The following SDK1 variants were observed in gnomAD, a reference collection of about 807,000 sequenced individuals.
SDK1 encodes protein sidekick-1.
SDK1 carries 157 observed loss-of-function variants against 245.5 expected under a neutral mutation model. The observed-to-expected ratio is 0.64, with a 90% CI of 0.56 to 0.73. The LOEUF is 0.73. SDK1 is among the 30% of genes least tolerant of loss of function. SDK1 has a pLI of 0.00. For missense variants in SDK1, 3,583 were observed against 3,002.3 expected (o/e 1.19, Z -4.52); for synonymous variants, 1,647 against 1,278.5 (o/e 1.29, Z -6.15).
At chr7:3,821,296 G>A (rs1051270043) in intron 4 of SDK1, among the ~76,000 whole-genome samples, 154 bp from the exon 5 acceptor site, 1 of 152,184 alleles carries the variant, frequency 6.6e-6, no homozygotes, top group Admixed American at 6.5e-5. Flanking sequence ...TGGCGTTGTC[G>A]TATTCTTAAA....
At chr7:4,254,978 A>G (rs1263098130) in intron 44 of SDK1, among the ~76,000 whole-genome samples, 1 of 152,200 alleles carries the variant, frequency 6.6e-6, no homozygotes, top group Non-Finnish European at 1.5e-5. Flanking sequence ...AACCTCCACT[A>G]CGTGCTAGCT....
Position 4,199,234 on chromosome 7 carries a change from C to A in SDK1, c.5099-6645C>A, listed in dbSNP as rs77295627. On this transcript the variant is annotated intron_variant, in intron 35 of 44. Transcript: ENST00000404826. ...GGATTGCACCATGGAGGAACACCAC[C>A]GCTTGTGATGCTGTCATGATCTGTG... is the stretch of plus-strand genomic sequence containing the variant. 7.1e-3 allele frequency among the ~76,000 whole-genome samples: 1,086 copies of A among 152,242 alleles called. 10 individuals are homozygous for A. The highest frequency in any genetic ancestry group is 0.024 in the African/African-American group (1,016 of 41,530).
At chr7:3,870,007 G>C (rs564968086) in intron 5 of SDK1, among the ~76,000 whole-genome samples, 1 of 152,306 alleles carries the variant, frequency 6.6e-6, no homozygotes, top group Middle Eastern at 3.4e-3. Flanking sequence ...ATCCATCTAA[G>C]TGCAGTGCAA....
At chr7:3,372,862 T>A (rs1238159262) in intron 1 of SDK1, among the ~76,000 whole-genome samples, 3 of 152,174 alleles carry the variant, frequency 2.0e-5, no homozygotes, top group Non-Finnish European at 4.4e-5. Flanking sequence ...ACCTAAATTC[T>A]CACATTGTAG....
intron 38 of SDK1, among the ~76,000 whole-genome samples, chr7:4,214,192 C>A (rs1252678578): frequency 6.6e-6 from 1 of 151,810 alleles, no homozygotes; most frequent in Admixed American, 6.6e-5. Flanking sequence ...CTAAACTGCT[C>A]CATGATGGGC....
chr7:3,407,719 G>A (rs1779090833), intron 1 of SDK1, among the ~76,000 whole-genome samples: 1 of 152,144 alleles, frequency 6.6e-6, no homozygotes, highest in South Asian at 2.1e-4. Context: ...GTTACACAAT[G>A]GAATATTATG....
rs572450830 is a variant in SDK1, at chr7:3,907,173, C to A, written c.848-43750C>A. On this transcript the variant is annotated intron_variant, in intron 5 of 44. Transcript: ENST00000404826. ...AAAACTTAAAACTTGCCATTTTAGC[C>A]ATGCAACTTAGTAGCATTAATTACA... Among the ~76,000 whole-genome samples the A allele has an allele frequency of 3.0e-3, 452 of 152,142 alleles. 5 individuals carry two copies. Among genetic ancestry groups the A allele is most frequent in the African/African-American group, 0.011 (441 of 41,482 alleles).
chr7:3,487,241 A>G (rs1781727967), intron 1 of SDK1, among the ~76,000 whole-genome samples: 1 of 152,212 alleles, frequency 6.6e-6, no homozygotes, highest in Admixed American at 6.5e-5. Flanking sequence ...GTAATATCGT[A>G]TATGTCTGTT....
intron 1 of SDK1, among the ~76,000 whole-genome samples, chr7:3,460,390 CTG>C (rs1780796651): frequency 6.6e-6 from 1 of 152,140 alleles, no homozygotes. Context: ...CTATTACAGA[CTG>C]TACGTGTTTA....
intron 1 of SDK1, among the ~76,000 whole-genome samples, chr7:3,427,903 G>A (rs549760233): frequency 1.1e-4 from 17 of 149,426 alleles, no homozygotes; most frequent in African/African-American, 3.7e-4. Context: ...CTTAGATGTC[G>A]TTAGTGTCTC....
chr7:3,952,469 G>C (rs982604561), intron 7 of SDK1, among the ~76,000 whole-genome samples: 4 of 152,066 alleles, frequency 2.6e-5, no homozygotes, highest in Non-Finnish European at 5.9e-5. Context: ...TATGATCCCA[G>C]CCACTCGGGA....
intron 18 of SDK1, among the ~76,000 whole-genome samples, chr7:4,051,370 G>C (rs1461569707): frequency 1.3e-5 from 2 of 149,382 alleles, no homozygotes; most frequent in Admixed American, 6.7e-5. Flanking sequence ...GAAGATTTGA[G>C]GGAGTGTCCA....
chr7:3,748,213 T>G lies in SDK1; in HGVS notation c.714-73237T>G, dbSNP rs1779679964. On this transcript the variant is annotated intron_variant, in intron 4 of 44. Transcript: ENST00000404826. ...TCCTAATTTTGAAAAGGAAAAATGATGTATCTAACATACACTGAACTCTAA... is the reference window on the plus strand; with the variant it reads ...TCCTAATTTTGAAAAGGAAAAATGAGGTATCTAACATACACTGAACTCTAA... 3.3e-5 allele frequency among the ~76,000 whole-genome samples: 5 copies of G among 152,216 alleles called. No homozygotes were observed. In the South Asian group the frequency reaches 1.0e-3, roughly 31 times the overall value.
chr7:3,798,150 A>C (rs893199779), intron 4 of SDK1, among the ~76,000 whole-genome samples: 2 of 145,942 alleles, frequency 1.4e-5, no homozygotes, highest in Non-Finnish European at 3.0e-5. Context: ...TGTTGCATTT[A>C]GTCACCATGT....
intron 16 of SDK1, 24 bp downstream of exon 16, chr7:4,012,259 C>T (rs1362959386): frequency 1.4e-6 from 2 of 1,459,546 alleles, no homozygotes; most frequent in Non-Finnish European, 1.8e-6. Context: ...GATTGGCCAT[C>T]TTTAGGCCGC....
chr7:4,118,189 A>G (rs149366954), intron 25 of SDK1, among the ~76,000 whole-genome samples: 70 of 152,356 alleles, frequency 4.6e-4, no homozygotes, highest in Admixed American at 8.5e-4. Flanking sequence ...TATGTATCTC[A>G]TGAGGGATTT....
intron 1 of SDK1, among the ~76,000 whole-genome samples, chr7:3,471,114 A>G (rs546081880): frequency 2.6e-5 from 4 of 152,132 alleles, no homozygotes; most frequent in Non-Finnish European, 5.9e-5. Context: ...ATTTGGTAAC[A>G]TTTTGATGTC....
intron 4 of SDK1, among the ~76,000 whole-genome samples, chr7:3,660,384 C>A (rs1562638024): frequency 6.6e-6 from 1 of 151,162 alleles, no homozygotes; most frequent in Non-Finnish European, 1.5e-5. Context: ...AATTCCAGCA[C>A]TAAATAAGTA....
intron 5 of SDK1, among the ~76,000 whole-genome samples, chr7:3,853,572 T>G (rs2115105686): frequency 6.6e-6 from 1 of 152,318 alleles, no homozygotes; most frequent in African/African-American, 2.4e-5. Flanking sequence ...GTCTCAGATT[T>G]TTTTGGATTT....
Sources: gnomAD v4.1 joint callset for allele counts (sites outside exome capture counted in the v4.1 genomes callset) on GRCh38, gnomAD v4.1.1 for gene constraint, MANE v1.5 for transcripts, NCBI Gene and HGNC (gene_info 2026-07-23, HGNC 2026-07-21) for gene names.